SPPL2B: variants seen among roughly 807,000 people sequenced by gnomAD.
SPPL2B encodes signal peptide peptidase-like 2B.
A neutral mutation model predicts 59.7 loss-of-function variants in SPPL2B; 39 were observed. The ratio of observed to expected loss-of-function variants is 0.65; its 90% CI spans 0.51 to 0.85. The LOEUF is 0.85. SPPL2B is among the 40% of genes least tolerant of loss of function. The pLI is 0.00. For missense variants in SPPL2B, 865 were observed against 849.0 expected (o/e 1.02, Z -0.23); for synonymous variants, 419 against 370.8 (o/e 1.13, Z -1.49).
chr19:2,343,902 T>G, intron 9 of SPPL2B, 63 bp from the exon 10 acceptor site: 2,244 of 1,253,100 alleles, frequency 1.8e-3, no homozygotes, highest in Non-Finnish European at 2.3e-3. Context: ...CTGGGCCTCA[T>G]GAGATGGGAG....
intron 7 of SPPL2B, chr19:2,340,589 T>C: frequency 3.8e-6 from 2 of 522,574 alleles, no homozygotes; most frequent in South Asian, 4.0e-5. Context: ...GGGGAGACCT[T>C]TTTGTGTTGC....
intron 2 of SPPL2B, among the ~76,000 whole-genome samples, chr19:2,335,046 G>A (rs1968485743): frequency 6.6e-6 from 1 of 152,100 alleles, no homozygotes; most frequent in African/African-American, 2.4e-5. Context: ...AACAGCAGAG[G>A]GCACAGTGGG....
chr19:2,352,131 T>G (rs1969961118), intron 14 of SPPL2B, among the ~76,000 whole-genome samples: 1 of 152,052 alleles, frequency 6.6e-6, no homozygotes, highest in Non-Finnish European at 1.5e-5. Context: ...CAGGGAGGGC[T>G]TACGCCACGT....
intron 3 of SPPL2B, chr19:2,337,992 T>G: frequency 1.0e-5 from 2 of 191,854 alleles, no homozygotes; most frequent in East Asian, 1.4e-4. Flanking sequence ...CCTTTCTGGG[T>G]ACCCTGGTGC....
chr19:2,345,447 C>G, intron 13 of SPPL2B, 117 bp downstream of exon 13: 1 of 847,384 alleles, frequency 1.2e-6, no homozygotes, highest in Non-Finnish European at 1.9e-6. Flanking sequence ...AATTCCAACT[C>G]TAACACCGTA....
At chr19:2,329,322 G>C (rs1968160009) in intron 1 of SPPL2B, among the ~76,000 whole-genome samples, 1 of 152,206 alleles carries the variant, frequency 6.6e-6, no homozygotes, top group African/African-American at 2.4e-5. Flanking sequence ...CTTTTACTCC[G>C]TGACCTTGGA....
intron 13 of SPPL2B, 76 bp from the exon 14 acceptor site, chr19:2,351,358 G>T: frequency 7.9e-7 from 1 of 1,261,614 alleles, no homozygotes; most frequent in Non-Finnish European, 1.1e-6. Context: ...ACCCCAGCCC[G>T]CTCACGTTCT....
At chr19:2,340,325 C>G (rs1968952518) in intron 7 of SPPL2B, among the ~76,000 whole-genome samples, 153 bp downstream of exon 7, 1 of 152,174 alleles carries the variant, frequency 6.6e-6, no homozygotes, top group Non-Finnish European at 1.5e-5. Context: ...GGCCCAGGAG[C>G]AGGGCGGAGT....
intron 13 of SPPL2B, among the ~76,000 whole-genome samples, chr19:2,346,877 C>T (rs541763282): frequency 2.4e-4 from 37 of 152,188 alleles, no homozygotes; most frequent in Admixed American, 9.2e-4. Context: ...CCAATAGGGA[C>T]GCTCCCCGTG....
In SPPL2B at chr19:2,353,454, TC is replaced by T. The variant is rs980046104; in HGVS notation, c.*247del. 3.9e-6 allele frequency: 2 copies of T among 507,192 alleles called. No individual in the cohort carries two copies. Among genetic ancestry groups the T allele is most frequent in the African/African-American group, 4.2e-5 (2 of 47,570 alleles). 31.4% of individuals were successfully genotyped at this position (507,192 alleles called of 1,614,324 possible). On this transcript the variant is annotated 3_prime_UTR_variant, in exon 15 of 15. Transcript: ENST00000613503. ...CCGGCTGCCACAAGCTCTCTGCGGG[TC>T]CATCCTCCCCACCGGGGTCCGTCCT...
intron 2 of SPPL2B, among the ~76,000 whole-genome samples, chr19:2,335,245 T>C (rs749391018): frequency 1.3e-5 from 2 of 149,078 alleles, no homozygotes; most frequent in South Asian, 2.1e-4. Context: ...CCGCCTCCTT[T>C]CCCACTGCAT....
chr19:2,354,420 T>A lies in SPPL2B; in HGVS notation c.*1211T>A, dbSNP rs1970081268. The A allele has an allele frequency of 6.6e-6, 1 of 152,192 alleles. No homozygotes were observed. Among genetic ancestry groups the A allele is most frequent in the Non-Finnish European group, 1.5e-5 (1 of 68,040 alleles). 9.4% of individuals were successfully genotyped at this position (152,192 alleles called of 1,614,324 possible). A position where few individuals can be genotyped will look rare whatever the true frequency, so the allele number is the denominator to read the frequency against. ...GAGCCCGCACCCTGGCTGTCTGTGG[T>A]GCCTGGGCCCCAGCTCCCGCCCGCC... On this transcript the variant is annotated 3_prime_UTR_variant, in exon 15 of 15. Transcript: ENST00000613503.
At chr19:2,339,995 G>A (rs1489615104) in intron 6 of SPPL2B, 29 bp downstream of exon 6, 1 of 1,552,684 alleles carries the variant, frequency 6.4e-7, no homozygotes, top group East Asian at 2.4e-5. Context: ...GTGGGCCGCG[G>A]CGTGGAGATG....
intron 1 of SPPL2B, among the ~76,000 whole-genome samples, chr19:2,333,972 G>T (rs1027258320): frequency 1.3e-5 from 2 of 152,214 alleles, no homozygotes; most frequent in African/African-American, 4.8e-5. Flanking sequence ...CCCGGTGCCC[G>T]TAGGCCCCTT....
At chr19:2,340,429 C>T (rs1968959472) in intron 7 of SPPL2B, 6 of 635,632 alleles carry the variant, frequency 9.4e-6, no homozygotes, top group South Asian at 8.0e-5. Flanking sequence ...CCCCAGGTCG[C>T]AGGCCGAACC....
At chr19:2,336,738 G>A (rs78720096) in intron 2 of SPPL2B, among the ~76,000 whole-genome samples, 14,602 of 151,152 alleles carry the variant, frequency 0.097, 772 homozygotes, top group Middle Eastern at 0.16. Context: ...CATGTGGTCC[G>A]GCCTGGCTGT....
In SPPL2B at chr19:2,352,981, A is replaced by G; in HGVS notation, c.1551A>G (p.Pro517=). 2 of 1,612,150 alleles carry G rather than the reference A, an allele frequency of 1.2e-6. No homozygotes were observed. The highest frequency in any genetic ancestry group is 1.7e-6 in the Non-Finnish European group (2 of 1,179,700). ...CTCCATCTCCGTGGGCCCCAGCACCAGCCGACGGCCCGCAGCCTCCCAAAG... is the reference window on the plus strand; with the variant it reads ...CTCCATCTCCGTGGGCCCCAGCACCGGCCGACGGCCCGCAGCCTCCCAAAG... ...VLPPSPWAPA[P]ADGPQPPKDS... is the part of the protein sequence containing the mutation. Residue 517 remains proline (P), a synonymous_variant, in exon 15 of 15, where the codon CCA becomes CCG. Transcript: ENST00000613503.
intron 8 of SPPL2B, chr19:2,341,837 G>A (rs573546501): frequency 9.0e-6 from 3 of 333,736 alleles, no homozygotes; most frequent in East Asian, 8.7e-5. Flanking sequence ...AGGGGCTCAC[G>A]CCTGGGATCC....
Position 2,340,054 on chromosome 19 carries a change from C to T in SPPL2B, c.743-22C>T, listed in dbSNP as rs779762660. On this transcript the variant is annotated intron_variant, in intron 6 of 14. Coordinates refer to ENST00000613503, the MANE Select transcript of SPPL2B (RefSeq NM_152988.3). ...GGTGGCGTGCGGGCCTGGCCCCCGG[C>T]CTCACGGCCCTGCCCCTGCAGTGTA... 27 of 1,579,154 alleles carry T rather than the reference C, an allele frequency of 1.7e-5. No individual in the cohort carries two copies. In the Admixed American group the frequency reaches 4.9e-4, roughly 29 times the overall value.
Sources: gnomAD v4.1 joint callset for allele counts (sites outside exome capture counted in the v4.1 genomes callset) on GRCh38, gnomAD v4.1.1 for gene constraint, MANE v1.5 for transcripts, NCBI Gene and HGNC (gene_info 2026-07-23, HGNC 2026-07-21) for gene names.